Variants in DOCK3 observed in about 807,000 individuals in gnomAD.
The protein encoded by DOCK3 is dedicator of cytokinesis 3.
DOCK3 carries 60 observed loss-of-function variants against 265.6 expected under a neutral mutation model. That is an observed-to-expected ratio of 0.23 (90% CI 0.18 to 0.28). The LOEUF (loss-of-function observed/expected upper bound fraction) is 0.28, where lower values mean the gene tolerates loss of function less well. Ranked by LOEUF, DOCK3 falls within the 10% of genes least tolerant of loss-of-function variation. The pLI, the probability that DOCK3 is intolerant of heterozygous loss-of-function variation, is 1.00. For synonymous variants in DOCK3, 881 were observed against 938.0 expected (o/e 0.94, Z 1.11); for missense variants, 1,981 against 2,594.3 (o/e 0.76, Z 5.14).
intron 5 of DOCK3, among the ~76,000 whole-genome samples, chr3:51,007,739 T>C (rs1443115504): frequency 1.4e-4 from 4 of 27,712 alleles, no homozygotes; most frequent in Non-Finnish European, 2.5e-4. Flanking sequence ...TCTTCTAGGG[T>C]TTTTATGGTT....
intron 1 of DOCK3, among the ~76,000 whole-genome samples, chr3:50,769,075 A>AT (rs11334129): frequency 6.0e-4 from 88 of 147,272 alleles, no homozygotes; most frequent in African/African-American, 8.0e-4. Context: ...TATTAATTGG[A>AT]TTTTTTTTTT....
intron 4 of DOCK3, among the ~76,000 whole-genome samples, chr3:50,905,910 A>C (rs916433560): frequency 6.6e-6 from 1 of 152,032 alleles, no homozygotes; most frequent in Non-Finnish European, 1.5e-5. Context: ...TGTCATAAAT[A>C]GCTCTTATTA....
chr3:51,247,827 G>A (rs981305131), intron 22 of DOCK3, among the ~76,000 whole-genome samples: 1 of 152,180 alleles, frequency 6.6e-6, no homozygotes, highest in Non-Finnish European at 1.5e-5. Context: ...ACGAACACAA[G>A]TGTAGGGCAG....
chr3:51,111,350 C>A (rs1014845653), intron 9 of DOCK3, among the ~76,000 whole-genome samples: 3 of 152,076 alleles, frequency 2.0e-5, no homozygotes, highest in Admixed American at 2.0e-4. Context: ...GCTGCAGTAA[C>A]CAAAACAGCA....
intron 4 of DOCK3, among the ~76,000 whole-genome samples, chr3:50,903,532 G>A (rs2049312654): frequency 6.6e-6 from 1 of 152,144 alleles, no homozygotes; most frequent in African/African-American, 2.4e-5. Context: ...GATCATAGTG[G>A]ATAAGCTTTT....
chr3:51,293,678 C>T (rs1308327668), intron 27 of DOCK3, among the ~76,000 whole-genome samples: 3 of 152,090 alleles, frequency 2.0e-5, no homozygotes, highest in African/African-American at 4.8e-5. Context: ...AGAACACCTA[C>T]AGATTGGGAG....
intron 27 of DOCK3, among the ~76,000 whole-genome samples, chr3:51,292,702 G>A (rs560097536): frequency 2.0e-5 from 3 of 152,166 alleles, no homozygotes; most frequent in African/African-American, 7.2e-5. Context: ...TCTTGAGACA[G>A]GGCCTCCCTC....
At chr3:50,765,340 T>C (rs1045757152) in intron 1 of DOCK3, among the ~76,000 whole-genome samples, 12 of 152,238 alleles carry the variant, frequency 7.9e-5, no homozygotes, top group African/African-American at 2.2e-4. Context: ...CATCTCGGCC[T>C]CTCAAAGTGC....
chr3:50,851,659 A>G (rs925547043), intron 3 of DOCK3, among the ~76,000 whole-genome samples: 1 of 152,196 alleles, frequency 6.6e-6, no homozygotes, highest in African/African-American at 2.4e-5. Context: ...CAGGTCACCA[A>G]GCTGGCCCTG....
intron 12 of DOCK3, among the ~76,000 whole-genome samples, chr3:51,191,799 A>G (rs539471194): frequency 1.2e-4 from 18 of 151,968 alleles, no homozygotes; most frequent in Non-Finnish European, 7.4e-5. Context: ...AGGAAAAAAC[A>G]CACAAAAACT....
At chr3:50,850,251 TA>T (rs1352644009) in intron 3 of DOCK3, among the ~76,000 whole-genome samples, 1 of 151,030 alleles carries the variant, frequency 6.6e-6, no homozygotes, top group Non-Finnish European at 1.5e-5. Context: ...TCCCAGCCAC[TA>T]GGGGGGCTGA....
intron 12 of DOCK3, among the ~76,000 whole-genome samples, chr3:51,162,380 G>A (rs2086182628): frequency 6.6e-6 from 1 of 152,060 alleles, no homozygotes; most frequent in Non-Finnish European, 1.5e-5. Context: ...TATACTTTAT[G>A]GGATGAGGAT....
intron 1 of DOCK3, among the ~76,000 whole-genome samples, chr3:50,736,112 C>T (rs1355094357): frequency 6.6e-6 from 1 of 152,102 alleles, no homozygotes; most frequent in Non-Finnish European, 1.5e-5. Context: ...CAAGTGTTCC[C>T]ATTGTTCAAT....
At chr3:50,931,475 G>GTA (rs2108142894) in intron 4 of DOCK3, among the ~76,000 whole-genome samples, 1 of 152,288 alleles carries the variant, frequency 6.6e-6, no homozygotes, top group South Asian at 2.1e-4. Context: ...TTAAGATGTG[G>GTA]TATATGGAAA....
intron 1 of DOCK3, among the ~76,000 whole-genome samples, chr3:50,733,529 AG>A (rs1273171464): frequency 6.6e-6 from 1 of 152,238 alleles, no homozygotes; most frequent in African/African-American, 2.4e-5. Context: ...GTCTGATACA[AG>A]TATAGCTACT....
At chr3:51,273,842 A>G (rs1274597461) in intron 24 of DOCK3, among the ~76,000 whole-genome samples, 1 of 152,216 alleles carries the variant, frequency 6.6e-6, no homozygotes, top group Non-Finnish European at 1.5e-5. Flanking sequence ...GCCAGATATG[A>G]TGGGACCTGC....
intron 27 of DOCK3, among the ~76,000 whole-genome samples, chr3:51,305,703 A>AGTGT (rs528554544): frequency 0.013 from 1,272 of 94,964 alleles, 27 homozygotes; most frequent in African/African-American, 0.048. Flanking sequence ...TAATTCCCTC[A>AGTGT]GTGTGTGTGT....
At chr3:50,770,228 A>G (rs553955241) in intron 1 of DOCK3, among the ~76,000 whole-genome samples, 2 of 152,302 alleles carry the variant, frequency 1.3e-5, no homozygotes, top group East Asian at 3.9e-4. Context: ...CAAAAAAACA[A>G]TTAGAACTGA....
chr3:51,006,804 T>C (rs2078695094), intron 5 of DOCK3, among the ~76,000 whole-genome samples: 1 of 152,152 alleles, frequency 6.6e-6, no homozygotes, highest in Admixed American at 6.5e-5. Context: ...CCCGGGTGTA[T>C]GTTGTTCCCC....
Sources: allele counts gnomAD v4.1 joint callset (sites outside exome capture counted in the v4.1 genomes callset), GRCh38; gene constraint gnomAD v4.1.1; transcripts MANE v1.5; gene names NCBI Gene and HGNC (gene_info 2026-07-23, HGNC 2026-07-21).